VDAC1: variants seen among roughly 807,000 people sequenced by gnomAD.
VDAC1 encodes non-selective voltage-gated ion channel VDAC1.
Under a neutral mutation model 34.7 loss-of-function variants are expected in VDAC1, and 10 were observed. The ratio of observed to expected loss-of-function variants is 0.29; its 90% CI spans 0.18 to 0.49. The LOEUF is 0.49. VDAC1 is among the 20% of genes least tolerant of loss of function. VDAC1 has a pLI of 0.99. For synonymous variants in VDAC1, 130 were observed against 136.0 expected, an observed-to-expected ratio of 0.96 and a Z score of 0.30; for missense variants, 230 against 347.9, an observed-to-expected ratio of 0.66 and a Z score of 2.69.
At chr5:133,975,834 G>A (rs767142876) in intron 7 of VDAC1, 37 bp downstream of exon 7, 1 of 1,608,616 alleles carries the variant, frequency 6.2e-7, no homozygotes, top group Non-Finnish European at 8.5e-7. Context: ...GAGCAGATGG[G>A]CCTGCCTGTG....
At chr5:134,060,640 G>A in the VDAC1 span, among the ~76,000 whole-genome samples, 2 of 151,598 alleles carry the variant, frequency 1.3e-5, no homozygotes, top group African/African-American at 4.8e-5. Context: ...CTTGTAGGCT[G>A]GAAGACAAAG....
chr5:134,078,647 CTTTTTTT>C, the VDAC1 span, among the ~76,000 whole-genome samples: 15,802 of 118,516 alleles, frequency 0.13, 1,264 homozygotes, highest in African/African-American at 0.26. Flanking sequence ...CCTCAAGCAT[CTTTTTTT>C]TTTTTTTTTT....
chr5:134,052,495 C>G, the VDAC1 span, among the ~76,000 whole-genome samples: 2 of 152,122 alleles, frequency 1.3e-5, no homozygotes, highest in East Asian at 1.9e-4. Context: ...AAGGTCTCTC[C>G]ATGTTGTCCA....
At chr5:134,083,894 A>G in the VDAC1 span, among the ~76,000 whole-genome samples, 1 of 152,212 alleles carries the variant, frequency 6.6e-6, no homozygotes, top group Admixed American at 6.5e-5. Context: ...ACCAGGATAA[A>G]TAAGTCGAGG....
intron 1 of VDAC1, among the ~76,000 whole-genome samples, chr5:134,004,132 C>A (rs1753665786): frequency 6.6e-6 from 1 of 152,176 alleles, no homozygotes; most frequent in African/African-American, 2.4e-5. Flanking sequence ...CGGGCGTGGG[C>A]CGGCCAGGGC....
chr5:134,048,450 A>G, the VDAC1 span, among the ~76,000 whole-genome samples: 3 of 151,374 alleles, frequency 2.0e-5, no homozygotes, highest in East Asian at 5.9e-4. Context: ...TATTTTTAGT[A>G]GAGATAGGGT....
chr5:133,978,017 T>C (rs907876724), intron 6 of VDAC1, among the ~76,000 whole-genome samples: 10 of 152,198 alleles, frequency 6.6e-5, no homozygotes, highest in Non-Finnish European at 1.5e-4. Context: ...TGCCTCATCA[T>C]TGTGGGCATT....
At chr5:134,078,915 T>C in the VDAC1 span, among the ~76,000 whole-genome samples, 1 of 151,950 alleles carries the variant, frequency 6.6e-6, no homozygotes, top group Non-Finnish European at 1.5e-5. Context: ...CCTCCCAAAG[T>C]GCTGGGATTA....
chr5:134,030,060 G>T, the VDAC1 span, among the ~76,000 whole-genome samples: 3 of 152,242 alleles, frequency 2.0e-5, no homozygotes, highest in East Asian at 1.9e-4. Flanking sequence ...AAGGAAAAAG[G>T]CCGGGCACGG....
chr5:133,995,618 C>T (rs894286379), intron 1 of VDAC1, among the ~76,000 whole-genome samples: 3 of 152,012 alleles, frequency 2.0e-5, no homozygotes, highest in Admixed American at 6.5e-5. Flanking sequence ...GTAGTGGTAG[C>T]TTCCCCTCCT....
the VDAC1 span, among the ~76,000 whole-genome samples, chr5:134,073,798 A>G: frequency 6.7e-4 from 102 of 151,926 alleles, 2 homozygotes; most frequent in East Asian, 0.014. Context: ...AATAATACAT[A>G]TAACTCAGAC....
chr5:133,984,493 T>G (rs946787704), intron 5 of VDAC1, among the ~76,000 whole-genome samples: 1 of 149,672 alleles, frequency 6.7e-6, no homozygotes, highest in Non-Finnish European at 1.5e-5. Context: ...CCATGTTACC[T>G]AGGCTGGTCT....
chr5:134,025,903 C>A, the VDAC1 span, among the ~76,000 whole-genome samples: 1 of 152,180 alleles, frequency 6.6e-6, no homozygotes, highest in African/African-American at 2.4e-5. Flanking sequence ...CTGGCCCAGC[C>A]TCTACTGGGT....
chr5:134,013,111 T>G, the VDAC1 span, among the ~76,000 whole-genome samples: 1 of 152,196 alleles, frequency 6.6e-6, no homozygotes, highest in Admixed American at 6.5e-5. Flanking sequence ...ATTAAAGACT[T>G]AAATGTAAGA....
In VDAC1 at chr5:133,972,616, G is replaced by A. The variant is rs1209381350; in HGVS notation, c.*155C>T. ...ATAGGTTTCTTCTGTACCTCTGGAA[G>A]GGTAACATCTTAAAGCTGAATCAAC... On this transcript the variant is annotated 3_prime_UTR_variant, in exon 9 of 9. Coordinates refer to ENST00000265333, the MANE Select transcript of VDAC1 (RefSeq NM_003374.3). 29 of 643,000 alleles carry A rather than the reference G, an allele frequency of 4.5e-5. No homozygotes were observed. Among genetic ancestry groups the A allele is most frequent in the Non-Finnish European group, 5.5e-5 (21 of 380,614 alleles). The allele number at this position is 643,000 out of a possible 1,614,324, so 39.8% of individuals were successfully genotyped here.
the VDAC1 span, among the ~76,000 whole-genome samples, chr5:134,090,511 T>G: frequency 1.3e-5 from 2 of 152,046 alleles, no homozygotes; most frequent in African/African-American, 4.8e-5. Flanking sequence ...TAAGCCCCCT[T>G]CCCCACAACC....
the VDAC1 span, among the ~76,000 whole-genome samples, chr5:134,092,972 C>T: frequency 6.6e-6 from 1 of 152,198 alleles, no homozygotes; most frequent in African/African-American, 2.4e-5. Flanking sequence ...GCCAAAGACA[C>T]CTGCAGCAAA....
the VDAC1 span, among the ~76,000 whole-genome samples, chr5:134,095,826 T>C: frequency 0.93 from 141,911 of 152,332 alleles, 66,215 homozygotes; most frequent in African/African-American, 0.98. Flanking sequence ...CCACTGTAAA[T>C]GCTCAATGGC....
chr5:134,034,170 G>A, the VDAC1 span, among the ~76,000 whole-genome samples: 3 of 112,158 alleles, frequency 2.7e-5, no homozygotes, highest in African/African-American at 1.1e-4. Flanking sequence ...CCTGAGGGCT[G>A]TGTCACGCGC....
Sources: allele counts gnomAD v4.1 joint callset (sites outside exome capture counted in the v4.1 genomes callset), GRCh38; gene constraint gnomAD v4.1.1; transcripts MANE v1.5; gene names NCBI Gene and HGNC (gene_info 2026-07-23, HGNC 2026-07-21).